Variants in PLCL2 observed in about 807,000 individuals in gnomAD.
PLCL2 encodes the protein phospholipase C like 2, also known as inactive phospholipase C-like protein 2.
In PLCL2, 4 loss-of-function variants were observed where a neutral mutation model predicts 79.6. The observed-to-expected ratio is 0.05, with a 90% confidence interval of 0.02 to 0.11. The LOEUF (loss-of-function observed/expected upper bound fraction) is 0.11, where lower values mean the gene tolerates loss of function less well. Among genes scored for constraint, PLCL2 ranks in the 10% least tolerant of loss-of-function variants. PLCL2 has a pLI of 1.00. For missense variants in PLCL2, 895 were observed against 1,291.0 expected (o/e 0.69, Z 4.70); for synonymous variants, 484 against 457.7 (o/e 1.06, Z -0.73).
intron 1 of PLCL2, among the ~76,000 whole-genome samples, chr3:16,904,941 G>A (rs1696717150): frequency 6.6e-6 from 1 of 152,180 alleles, no homozygotes. Context: ...GCAGAACTGT[G>A]AGTCAATTAA....
chr3:17,010,162 T>C lies in PLCL2; in HGVS notation c.816T>C (p.Val272=). ...SSQDNMRTSW[V]SQMFSEIDVD... is the part of the protein sequence containing the mutation. ...AAGATAACATGAGGACTTCTTGGGT[T>C]TCACAAATGTTTAGTGAAATTGATG... The change falls in exon 2 of 6, where the codon GTT becomes GTC. Residue 272 remains valine, a synonymous_variant. Coordinates refer to ENST00000615277, the MANE Select transcript of PLCL2 (RefSeq NM_001144382.2). This position sits in a 1 kb window ranked among gnomAD's most constrained non-coding sequence, Gnocchi z 5.8. 1 of 1,613,936 alleles carries C rather than the reference T, an allele frequency of 6.2e-7. No homozygotes were observed. The highest frequency in any genetic ancestry group is 8.5e-7 in the Non-Finnish European group (1 of 1,179,816).
chr3:16,957,753 T>C (rs1453936420), intron 1 of PLCL2, among the ~76,000 whole-genome samples: 1 of 152,224 alleles, frequency 6.6e-6, no homozygotes, highest in Non-Finnish European at 1.5e-5. Context: ...TTAGCTCTTC[T>C]TGTTGAATTG....
At chr3:17,036,573 T>G (rs2064657972) in intron 3 of PLCL2, among the ~76,000 whole-genome samples, 1 of 152,140 alleles carries the variant, frequency 6.6e-6, no homozygotes, top group Admixed American at 6.5e-5. Context: ...CTCTCAAGAG[T>G]GCAGAAAAAA....
chr3:16,977,041 T>G (rs548708426), intron 1 of PLCL2, among the ~76,000 whole-genome samples: 1 of 152,160 alleles, frequency 6.6e-6, no homozygotes, highest in Non-Finnish European at 1.5e-5. Context: ...ATGGACATTA[T>G]TCATTAAAAA....
intron 1 of PLCL2, among the ~76,000 whole-genome samples, chr3:17,008,827 C>A (rs2064290439): frequency 6.6e-6 from 1 of 152,018 alleles, no homozygotes; most frequent in Admixed American, 6.6e-5. Flanking sequence ...TTCTTTCTTT[C>A]TATTTTTTGA....
At chr3:16,898,491 A>G (rs1696537658) in intron 1 of PLCL2, among the ~76,000 whole-genome samples, 1 of 152,200 alleles carries the variant, frequency 6.6e-6, no homozygotes, top group African/African-American at 2.4e-5. Context: ...CCGGGTATGA[A>G]TGCTACCCGG....
At chr3:16,946,790 A>C (rs137938926) in intron 1 of PLCL2, among the ~76,000 whole-genome samples, 1 of 152,062 alleles carries the variant, frequency 6.6e-6, no homozygotes, top group Non-Finnish European at 1.5e-5. Context: ...TATAGAAGTT[A>C]TAAGTCCTGT....
intron 1 of PLCL2, among the ~76,000 whole-genome samples, chr3:16,989,540 A>G (rs2064083112): frequency 6.6e-6 from 1 of 152,142 alleles, no homozygotes; most frequent in Non-Finnish European, 1.5e-5. Flanking sequence ...TATTTTGGAT[A>G]TTTTGAGTTA....
In PLCL2 at chr3:17,011,127, A is replaced by G. The variant is rs1216095298; in HGVS notation, c.1781A>G (p.Gln594Arg). The change falls in exon 2 of 6, where the codon CAG becomes CGG. Residue 594 changes from glutamine (Q) to arginine (R), a missense_variant. This residue lies in a region of PLCL2 where 242 missense variants were observed against 399.5 expected (regional missense o/e 0.61). Coordinates refer to ENST00000615277, the MANE Select transcript of PLCL2 (RefSeq NM_001144382.2). This position sits in a 1 kb window ranked among gnomAD's most constrained non-coding sequence, Gnocchi z 7.9. ...TDEDEGAEMS[Q>R]RMGKENMEQP... ...GAAGATGAAGGAGCAGAAATGTCTC[A>G]GAGGATGGGAAAAGAGAACATGGAG... is the stretch of plus-strand genomic sequence containing the variant. 1 of 1,614,026 alleles carries G rather than the reference A, an allele frequency of 6.2e-7. No homozygotes were observed. Among genetic ancestry groups the G allele is most frequent in the Non-Finnish European group, 8.5e-7 (1 of 1,180,010 alleles).
At chr3:17,086,822 G>C (rs1338148116) in intron 5 of PLCL2, among the ~76,000 whole-genome samples, 1 of 152,110 alleles carries the variant, frequency 6.6e-6, no homozygotes, top group Non-Finnish European at 1.5e-5. Flanking sequence ...AAACTCAACA[G>C]TAAGGAAACA....
At chr3:16,919,031 A>G (rs1356909721) in intron 1 of PLCL2, among the ~76,000 whole-genome samples, 1 of 152,180 alleles carries the variant, frequency 6.6e-6, no homozygotes, top group Non-Finnish European at 1.5e-5. Flanking sequence ...TTAAACTTAG[A>G]GCAGTTGTTA....
chr3:16,928,348 A>G (rs2124940537), intron 1 of PLCL2, among the ~76,000 whole-genome samples: 1 of 152,318 alleles, frequency 6.6e-6, no homozygotes, highest in South Asian at 2.1e-4. Flanking sequence ...AGTTTGGGAG[A>G]CCAGGCAGTA....
intron 1 of PLCL2, among the ~76,000 whole-genome samples, chr3:16,964,647 G>A (rs1224662425): frequency 6.6e-6 from 1 of 151,988 alleles, no homozygotes; most frequent in South Asian, 2.1e-4. Context: ...CAGTGTAAAA[G>A]TGTTCCTATT....
At position 16,954,177 on chromosome 3, in the gene PLCL2, T is replaced by TC. The variant is rs1021713947; in HGVS notation, c.328-55491dup. On this transcript the variant is annotated intron_variant, in intron 1 of 5. Coordinates refer to ENST00000615277, the MANE Select transcript of PLCL2 (RefSeq NM_001144382.2). ...ATCTCCTAATGCTATCCCTCCCCGC[T>TC]CCCCCCAGCCCACAACAGTCACTGG... 1.6e-4 allele frequency among the ~76,000 whole-genome samples: 24 copies of TC among 152,116 alleles called. 1 individual carries two copies. Among genetic ancestry groups the TC allele is most frequent in the African/African-American group, 3.1e-4 (13 of 41,494 alleles).
At chr3:16,900,009 C>T (rs190782315) in intron 1 of PLCL2, among the ~76,000 whole-genome samples, 1 of 152,036 alleles carries the variant, frequency 6.6e-6, no homozygotes, top group East Asian at 1.9e-4. Flanking sequence ...TTTAATTACC[C>T]TTTTAAATGG....
chr3:16,923,946 GC>G (rs1412153136), intron 1 of PLCL2, among the ~76,000 whole-genome samples: 1 of 134,766 alleles, frequency 7.4e-6, no homozygotes, highest in Non-Finnish European at 1.7e-5. Context: ...TTTCTGTTTG[GC>G]TCCCTTTAAA....
intron 1 of PLCL2, among the ~76,000 whole-genome samples, chr3:16,948,124 C>G (rs973475716): frequency 1.3e-5 from 2 of 152,138 alleles, no homozygotes; most frequent in African/African-American, 4.8e-5. Context: ...AAATATTCAT[C>G]AACTTATTAA....
At chr3:17,035,648 C>G (rs567025052) in intron 3 of PLCL2, 4 of 378,688 alleles carry the variant, frequency 1.1e-5, no homozygotes, top group Non-Finnish European at 2.1e-5. Context: ...TTACTTTGTT[C>G]ATAACACCTC....
In PLCL2 at chr3:17,010,791, C is replaced by T; in HGVS notation, c.1445C>T (p.Pro482Leu). 3 of 1,614,160 alleles carry T rather than the reference C, an allele frequency of 1.9e-6. No individual in the cohort carries two copies. The highest frequency in any genetic ancestry group is 8.5e-7 in the Non-Finnish European group (1 of 1,180,018). Reference sequence around the variant, plus strand: ...GTATGGGATGGGCCGGACAATGAACCTGTAATTTACACAGGCCACACCATG... The same window carrying T: ...GTATGGGATGGGCCGGACAATGAACTTGTAATTTACACAGGCCACACCATG... ...LDVWDGPDNE[P>L]VIYTGHTMTS... The change falls in exon 2 of 6, where the codon CCT becomes CTT. Residue 482 changes from proline to leucine, a missense_variant. Pro to Leu is a moderately conservative substitution (Grantham distance 98). Coordinates refer to ENST00000615277, the MANE Select transcript of PLCL2 (RefSeq NM_001144382.2). The surrounding 1 kb of genome is among the most constrained non-coding windows in gnomAD (Gnocchi z 5.8).
Sources: allele counts gnomAD v4.1 joint callset (sites outside exome capture counted in the v4.1 genomes callset), GRCh38; gene constraint gnomAD v4.1.1; regional missense constraint gnomAD v4.1.1; non-coding constraint Gnocchi (gnomAD v3.1); transcripts MANE v1.5; gene names NCBI Gene and HGNC (gene_info 2026-07-23, HGNC 2026-07-21).